PLXDC2: variants seen among roughly 807,000 people sequenced by gnomAD.
The protein encoded by PLXDC2 is plexin domain-containing protein 2.
Under a neutral mutation model 68.9 loss-of-function variants are expected in PLXDC2, and 40 were observed. The ratio of observed to expected loss-of-function variants is 0.58; its 90% confidence interval spans 0.45 to 0.76. PLXDC2 has a LOEUF of 0.76. Among genes scored for constraint, PLXDC2 ranks in the 30% least tolerant of loss-of-function variants. PLXDC2 has a pLI of 0.00. For synonymous variants in PLXDC2, 243 were observed against 234.2 expected (o/e 1.04, Z -0.34); for missense variants, 644 against 661.9 (o/e 0.97, Z 0.30).
intron 3 of PLXDC2, among the ~76,000 whole-genome samples, chr10:20,048,072 C>G (rs890668543): frequency 1.3e-5 from 2 of 152,056 alleles, no homozygotes; most frequent in African/African-American, 4.8e-5. Flanking sequence ...AAGAAAACAA[C>G]TTTAACGTTT....
chr10:20,243,705 A>AC (rs963895258), intron 12 of PLXDC2, among the ~76,000 whole-genome samples: 2 of 114,220 alleles, frequency 1.8e-5, no homozygotes, highest in South Asian at 2.9e-4. Context: ...AGTTTAATAG[A>AC]CAAAAAAAGC....
intron 1 of PLXDC2, among the ~76,000 whole-genome samples, chr10:19,916,753 T>C (rs1399844472): frequency 1.3e-5 from 2 of 152,132 alleles, no homozygotes; most frequent in Admixed American, 6.5e-5. Flanking sequence ...TAGAAATAAA[T>C]ATGTACAATA....
intron 6 of PLXDC2, 80 bp downstream of exon 6, chr10:20,147,982 AT>A: frequency 1.0e-6 from 1 of 973,330 alleles, no homozygotes; most frequent in Non-Finnish European, 1.6e-6. Flanking sequence ...AGAAAGGGAC[AT>A]TTTACAGCCA....
At chr10:20,208,619 A>G (rs548623487) in intron 9 of PLXDC2, among the ~76,000 whole-genome samples, 1 of 152,292 alleles carries the variant, frequency 6.6e-6, no homozygotes, top group African/African-American at 2.4e-5. Context: ...CATATGAAAA[A>G]GATATTATGT....
chr10:20,136,410 A>G (rs1833933820), intron 4 of PLXDC2, among the ~76,000 whole-genome samples: 1 of 152,216 alleles, frequency 6.6e-6, no homozygotes, highest in African/African-American at 2.4e-5. Flanking sequence ...ATGACTTACA[A>G]AATAGAACTC....
rs577210402 is a variant in PLXDC2 at position 19,938,697 on chromosome 10, G to C, written c.113-63078G>C. Among the ~76,000 whole-genome samples the C allele has an allele frequency of 3.3e-5, 5 of 152,282 alleles. No individual in the cohort carries two copies. In the South Asian group the frequency reaches 6.2e-4, roughly 19 times the overall value. ...GCACAGATCCAAACCATATCAGATA[G>C]TGAGATCAAGTTGTGGATAGTCTTG... On this transcript the variant is annotated intron_variant, in intron 1 of 13. Transcript: ENST00000377252.
intron 1 of PLXDC2, among the ~76,000 whole-genome samples, chr10:19,876,579 A>G: frequency 1.4e-5 from 2 of 139,744 alleles, no homozygotes; most frequent in African/African-American, 2.7e-5. Context: ...TCCAGCCTGG[A>G]CAACAGAGTG....
chr10:20,261,046 G>GT (rs948006032), intron 13 of PLXDC2, among the ~76,000 whole-genome samples: 1 of 152,070 alleles, frequency 6.6e-6, no homozygotes, highest in Non-Finnish European at 1.5e-5. Flanking sequence ...GAGTTATTTG[G>GT]TTTTTTTATA....
rs998743486 is a variant in PLXDC2 at position 20,283,292 on chromosome 10, A to G, written c.*3473A>G. 1 of 152,204 alleles carries G rather than the reference A, an allele frequency of 6.6e-6. No homozygotes were observed. The highest frequency in any genetic ancestry group is 1.5e-5 in the Non-Finnish European group (1 of 68,038). The allele number at this position is 152,204 out of a possible 1,614,324, so 9.4% of individuals were successfully genotyped here. A position where few individuals can be genotyped will look rare whatever the true frequency, so the allele number is the denominator to read the frequency against. On this transcript the variant is annotated 3_prime_UTR_variant, in exon 14 of 14. Transcript: ENST00000377252. Reference sequence around the variant, plus strand: ...CAACCTCCTTGAGTCTCAATTTGCAATTTTGGAAAAGAAAAACAATTTTTG... The same window carrying G: ...CAACCTCCTTGAGTCTCAATTTGCAGTTTTGGAAAAGAAAAACAATTTTTG...
At chr10:19,861,909 G>C (rs988823710) in intron 1 of PLXDC2, among the ~76,000 whole-genome samples, 1 of 152,148 alleles carries the variant, frequency 6.6e-6, no homozygotes, top group Non-Finnish European at 1.5e-5. Context: ...CTCGGAGAAG[G>C]TGTTATTTGT....
intron 1 of PLXDC2, among the ~76,000 whole-genome samples, chr10:19,827,160 CAAAAAGATAA>C (rs948516653): frequency 1.1e-4 from 16 of 152,186 alleles, no homozygotes; most frequent in African/African-American, 3.9e-4. Context: ...AGGGCTACTC[CAAAAAGATAA>C]ATCCTGAAAT....
intron 1 of PLXDC2, among the ~76,000 whole-genome samples, chr10:19,876,869 TC>T (rs1837642123): frequency 6.6e-6 from 1 of 152,158 alleles, no homozygotes; most frequent in South Asian, 2.1e-4. Flanking sequence ...GTTGTTAAAC[TC>T]AGATGTTTCA....
chr10:19,961,178 C>G (rs1031804593), intron 1 of PLXDC2, among the ~76,000 whole-genome samples: 1 of 152,146 alleles, frequency 6.6e-6, no homozygotes, highest in African/African-American at 2.4e-5. Context: ...TTGCATTGTT[C>G]TCCTGGAGAT....
At chr10:19,918,375 C>T (rs577762382) in intron 1 of PLXDC2, among the ~76,000 whole-genome samples, 159 of 152,160 alleles carry the variant, frequency 1.0e-3, no homozygotes, top group African/African-American at 3.5e-3. Flanking sequence ...GCCTAAGTGA[C>T]GAGAAGAACA....
intron 1 of PLXDC2, among the ~76,000 whole-genome samples, chr10:19,985,760 A>G (rs1005557305): frequency 3.5e-4 from 53 of 152,220 alleles, no homozygotes; most frequent in African/African-American, 1.2e-3. Flanking sequence ...TTTGAAGTCA[A>G]TAATAGCGGA....
intron 1 of PLXDC2, among the ~76,000 whole-genome samples, chr10:19,982,595 G>A (rs7097858): frequency 0.24 from 36,660 of 152,008 alleles, 4,571 homozygotes; most frequent in Middle Eastern, 0.36. Flanking sequence ...TTGTTACATC[G>A]TTTAAAAATA....
intron 9 of PLXDC2, among the ~76,000 whole-genome samples, chr10:20,187,163 A>G (rs1024398063): frequency 1.3e-5 from 2 of 151,840 alleles, no homozygotes; most frequent in African/African-American, 2.4e-5. Flanking sequence ...TTGGATACCT[A>G]GTGGCACAGC....
intron 1 of PLXDC2, among the ~76,000 whole-genome samples, chr10:19,934,270 C>A (rs948271273): frequency 5.3e-5 from 8 of 152,274 alleles, no homozygotes; most frequent in East Asian, 1.9e-4. Context: ...ATGCTCATGA[C>A]CATTCTTGAG....
rs183156869 is a variant in PLXDC2, at chr10:20,041,497, G to A, written c.325-5372G>A. On this transcript the variant is annotated intron_variant, in intron 2 of 13. Coordinates refer to ENST00000377252, the MANE Select transcript of PLXDC2 (RefSeq NM_032812.9). The stretch of plus-strand genomic sequence containing the variant: ...GAAAACCTCAGTAGGAAATTTTGTA[G>A]TACTCAAAATTCTATGGCAAATTTT... Among the ~76,000 whole-genome samples the A allele has an allele frequency of 5.3e-3, 809 of 152,192 alleles. 7 individuals carry two copies. Among genetic ancestry groups the A allele is most frequent in the South Asian group, 0.017 (83 of 4,822 alleles).
Sources: allele counts gnomAD v4.1 joint callset (sites outside exome capture counted in the v4.1 genomes callset), GRCh38; gene constraint gnomAD v4.1.1; transcripts MANE v1.5; gene names NCBI Gene and HGNC (gene_info 2026-07-23, HGNC 2026-07-21).